CNTN5: variants seen among roughly 807,000 people sequenced by gnomAD.
CNTN5 encodes the protein contactin-5.
A neutral mutation model predicts 129.1 loss-of-function variants in CNTN5; 77 were observed. The ratio of observed to expected loss-of-function variants is 0.60; its 90% CI spans 0.50 to 0.72. The LOEUF is 0.72. CNTN5 is among the 30% of genes least tolerant of loss of function. The pLI, the probability that CNTN5 is intolerant of heterozygous loss-of-function variation, is 0.00. For missense variants in CNTN5, 1,478 were observed against 1,328.8 expected (o/e 1.11, Z -1.75); for synonymous variants, 509 against 465.6 (o/e 1.09, Z -1.20).
In CNTN5 at chr11:100,255,811, C is replaced by T. The variant is rs201496247; in HGVS notation, c.2057C>T (p.Thr686Met). 1.9e-5 allele frequency: 31 copies of T among 1,613,722 alleles called. No homozygotes were observed. Among genetic ancestry groups the T allele is most frequent in the East Asian group, 8.9e-5 (4 of 44,864 alleles). The change falls in exon 17 of 25, where the codon ACG (threonine) becomes ATG (methionine). Residue 686 changes from threonine (T) to methionine (M), a missense_variant. Physicochemically the swap from Thr to Met is moderately conservative, Grantham distance 81. Transcript: ENST00000524871. ...ATTGTTGAGGAAATAACCGAAAGTACGGCCACACTGTCCTGGAGCCCAGCA... is the reference window on the plus strand; with the variant it reads ...ATTGTTGAGGAAATAACCGAAAGTATGGCCACACTGTCCTGGAGCCCAGCA... Reference protein sequence around the residue: ...IVIVEEITESTATLSWSPAAD... With the variant: ...IVIVEEITESMATLSWSPAAD...
chr11:99,478,480 C>T (rs1945466110), intron 2 of CNTN5, among the ~76,000 whole-genome samples: 1 of 152,060 alleles, frequency 6.6e-6, no homozygotes, highest in African/African-American at 2.4e-5. Context: ...ATTATTTTGC[C>T]TAGAAATAAG....
chr11:99,677,661 C>T (rs1408354230), intron 3 of CNTN5, among the ~76,000 whole-genome samples: 1 of 152,072 alleles, frequency 6.6e-6, no homozygotes, highest in Non-Finnish European at 1.5e-5. Flanking sequence ...ATCTAGATTA[C>T]ATTTCTTAAA....
intron 1 of CNTN5, among the ~76,000 whole-genome samples, chr11:99,032,672 T>C (rs1863458705): frequency 6.6e-6 from 1 of 151,628 alleles, no homozygotes; most frequent in Admixed American, 6.6e-5. Flanking sequence ...TATTAGCCCT[T>C]TGTCAGATGA....
intron 3 of CNTN5, among the ~76,000 whole-genome samples, chr11:99,613,775 TAAA>T (rs1179918005): frequency 1.3e-5 from 2 of 152,194 alleles, no homozygotes; most frequent in Non-Finnish European, 2.9e-5. Context: ...TTGATGGAAT[TAAA>T]AAGCATCCAC....
chr11:100,076,070 T>C (rs1050446083), intron 13 of CNTN5, among the ~76,000 whole-genome samples: 1 of 152,064 alleles, frequency 6.6e-6, no homozygotes, highest in Non-Finnish European at 1.5e-5. Flanking sequence ...CAGATAGTGA[T>C]TGAATATTAG....
At chr11:99,042,169 C>T (rs1047121320) in intron 1 of CNTN5, among the ~76,000 whole-genome samples, 2 of 151,904 alleles carry the variant, frequency 1.3e-5, no homozygotes, top group Admixed American at 6.6e-5. Flanking sequence ...CAGCATACCT[C>T]CCTTCTTTAT....
intron 9 of CNTN5, among the ~76,000 whole-genome samples, chr11:100,020,641 C>A (rs1391893066): frequency 6.6e-6 from 1 of 152,040 alleles, no homozygotes; most frequent in Non-Finnish European, 1.5e-5. Context: ...TGAATTATCT[C>A]TGTTTGCAGA....
intron 1 of CNTN5, among the ~76,000 whole-genome samples, chr11:99,222,338 G>T (rs974356321): frequency 2.2e-4 from 33 of 151,732 alleles, no homozygotes; most frequent in Non-Finnish European, 4.0e-4. Flanking sequence ...AAGGATAAAG[G>T]AAGGAAGAAT....
At chr11:100,165,789 G>A (rs1223080426) in intron 13 of CNTN5, among the ~76,000 whole-genome samples, 1 of 151,750 alleles carries the variant, frequency 6.6e-6, no homozygotes, top group Non-Finnish European at 1.5e-5. Context: ...GTTAGGCACA[G>A]TGCTGATCGC....
At chr11:99,972,579 C>T (rs1951293892) in intron 8 of CNTN5, among the ~76,000 whole-genome samples, 1 of 151,200 alleles carries the variant, frequency 6.6e-6, no homozygotes, top group Admixed American at 6.6e-5. Context: ...CAGAACCACA[C>T]CCAGCTAGCA....
At chr11:99,233,802 C>T (rs1591393491) in intron 1 of CNTN5, among the ~76,000 whole-genome samples, 2 of 151,914 alleles carry the variant, frequency 1.3e-5, no homozygotes, top group African/African-American at 4.8e-5. Flanking sequence ...AAAAATTAGT[C>T]GGGCATGGTG....
intron 21 of CNTN5, among the ~76,000 whole-genome samples, chr11:100,336,207 G>C (rs1291110942): frequency 6.6e-6 from 1 of 152,042 alleles, no homozygotes; most frequent in African/African-American, 2.4e-5. Flanking sequence ...TTCTTTCTGG[G>C]GTCTATTCTG....
intron 2 of CNTN5, among the ~76,000 whole-genome samples, chr11:99,523,604 TAGA>T (rs1484988447): frequency 1.1e-4 from 4 of 36,170 alleles, no homozygotes; most frequent in Admixed American, 9.5e-4. Context: ...AAAGATAGAA[TAGA>T]ATAGAATAGA....
chr11:99,904,285 C>A (rs1335905329), intron 6 of CNTN5, among the ~76,000 whole-genome samples: 2 of 151,960 alleles, frequency 1.3e-5, no homozygotes, highest in Non-Finnish European at 2.9e-5. Context: ...CCCTAGCACC[C>A]AACCCCCCTC....
intron 1 of CNTN5, among the ~76,000 whole-genome samples, chr11:99,273,619 TG>T (rs1435849617): frequency 9.2e-5 from 14 of 151,930 alleles, no homozygotes; most frequent in African/African-American, 3.4e-4. Context: ...GTATCTCGGC[TG>T]GTTTGAAAAT....
At chr11:99,608,503 A>T (rs1383887575) in intron 3 of CNTN5, among the ~76,000 whole-genome samples, 2 of 152,176 alleles carry the variant, frequency 1.3e-5, no homozygotes, top group South Asian at 2.1e-4. Flanking sequence ...AGTTGATGAG[A>T]TTGGGACCTA....
chr11:99,964,880 T>A (rs1951051540), intron 8 of CNTN5, among the ~76,000 whole-genome samples: 1 of 152,212 alleles, frequency 6.6e-6, no homozygotes, highest in Non-Finnish European at 1.5e-5. Flanking sequence ...CTTCCTGGTT[T>A]AGTCTTGGGA....
chr11:99,134,002 C>A (rs1859090457), intron 1 of CNTN5, among the ~76,000 whole-genome samples: 1 of 152,062 alleles, frequency 6.6e-6, no homozygotes. Flanking sequence ...GACATGGAAT[C>A]AAATGCCTAT....
chr11:99,404,400 CTGGTTGTTTTG>C lies in CNTN5; in HGVS notation c.-71+78921_-71+78931del, dbSNP rs1440046573. On this transcript the variant is annotated intron_variant, in intron 2 of 24. Transcript: ENST00000524871. ...CTCCTACAATTTTGTTTTTTGTTTT[CTGGTTGTTTTG>C]TGGTCTTCTCTTTTTTTGTTCTTTG... Among the ~76,000 whole-genome samples, 3 of 150,792 alleles carry C rather than the reference CTGGTTGTTTTG, an allele frequency of 2.0e-5. No individual in the cohort carries two copies. In the East Asian group the frequency reaches 5.8e-4, roughly 29 times the overall value.
Sources: allele counts gnomAD v4.1 joint callset (sites outside exome capture counted in the v4.1 genomes callset), GRCh38; gene constraint gnomAD v4.1.1; transcripts MANE v1.5; gene names NCBI Gene and HGNC (gene_info 2026-07-23, HGNC 2026-07-21).